MLLT10: variants seen among roughly 807,000 people sequenced by gnomAD.
MLLT10 encodes the protein MLLT10 histone lysine methyltransferase DOT1L cofactor.
A neutral mutation model predicts 129.1 loss-of-function variants in MLLT10; 30 were observed. The observed-to-expected ratio is 0.23, with a 90% confidence interval of 0.17 to 0.32. The LOEUF (loss-of-function observed/expected upper bound fraction) is 0.32, where lower values mean the gene tolerates loss of function less well. Among genes scored for constraint, MLLT10 ranks in the 10% least tolerant of loss-of-function variants. The pLI, the probability that MLLT10 is intolerant of heterozygous loss-of-function variation, is 1.00. For missense variants in MLLT10, 1,119 were observed against 1,268.3 expected (o/e 0.88, Z 1.79); for synonymous variants, 490 against 446.4 (o/e 1.10, Z -1.23).
rs2045052341 is a variant in MLLT10 at position 21,614,699 on chromosome 10, A to G, written c.510-132A>G. 4 of 653,918 alleles carry G rather than the reference A, an allele frequency of 6.1e-6. No individual in the cohort carries two copies. The South Asian group carries it at 1.1e-4, about 18-fold the overall frequency. The allele number at this position is 653,918 out of a possible 1,614,324, so 40.5% of individuals were successfully genotyped here. A position where few individuals can be genotyped will look rare whatever the true frequency, so the allele number is the denominator to read the frequency against. The stretch of plus-strand genomic sequence containing the variant: ...GGTCACAGCTAGAATAAAGCTTTTT[A>G]TTTTCTCATTTTTTTCTTAGGAGAT... On this transcript the variant is annotated intron_variant, in intron 6 of 22. Coordinates refer to ENST00000307729, the MANE Select transcript of MLLT10 (RefSeq NM_001195626.3).
At chr10:21,621,054 G>C (rs558829096) in intron 8 of MLLT10, among the ~76,000 whole-genome samples, 1 of 151,514 alleles carries the variant, frequency 6.6e-6, no homozygotes, top group Non-Finnish European at 1.5e-5. Context: ...GCGCAATCTC[G>C]GTTTACTGCA....
At position 21,592,212 on chromosome 10, in the gene MLLT10, C is replaced by T. The variant is rs1466787187; in HGVS notation, c.296-3119C>T. On this transcript the variant is annotated intron_variant, in intron 4 of 22. Coordinates refer to ENST00000307729, the MANE Select transcript of MLLT10 (RefSeq NM_001195626.3). ...TGAAGGCATTATTGTTTTGTATGTT[C>T]GTTACATATTAAATGTACCTACATG... Among the ~76,000 whole-genome samples the T allele has an allele frequency of 3.3e-5, 5 of 151,948 alleles. No homozygotes were observed. In the South Asian group the frequency reaches 6.2e-4, roughly 19 times the overall value.
intron 13 of MLLT10, among the ~76,000 whole-genome samples, chr10:21,706,674 A>C (rs2055540200): frequency 6.6e-6 from 1 of 152,218 alleles, no homozygotes; most frequent in African/African-American, 2.4e-5. Context: ...GAAAGTGGGA[A>C]ATAGGAACTC....
At chr10:21,557,195 G>A (rs1318311960) in intron 3 of MLLT10, 1 of 1,272,040 alleles carries the variant, frequency 7.9e-7, no homozygotes, top group Non-Finnish European at 9.9e-7. Context: ...AATGCCTACT[G>A]TGTTGTTATT....
At position 21,639,869 on chromosome 10, in the gene MLLT10, T is replaced by C. The variant is rs570135067; in HGVS notation, c.700-11804T>C. 2.0e-5 allele frequency among the ~76,000 whole-genome samples: 3 copies of C among 151,938 alleles called. No homozygotes were observed. The South Asian group carries it at 6.2e-4, about 32-fold the overall frequency. On this transcript the variant is annotated intron_variant, in intron 8 of 22. Transcript: ENST00000307729. ...CTCCATGATAGAAAAGTAGGGGAAG[T>C]TTAGAGCATATTTTTAGTTTTCATG...
upstream of MLLT10, chr10:21,534,125 G>A (rs924523129): frequency 2.8e-5 from 9 of 322,604 alleles, no homozygotes; most frequent in Non-Finnish European, 5.1e-5. Flanking sequence ...CGGGGGAGGG[G>A]GACGGGGCCC....
intron 14 of MLLT10, among the ~76,000 whole-genome samples, chr10:21,714,155 A>C (rs1359729980): frequency 1.3e-5 from 2 of 152,150 alleles, no homozygotes; most frequent in Admixed American, 1.3e-4. Flanking sequence ...GGCACCAACT[A>C]ATTCTTTTTA....
chr10:21,727,402 T>A (rs2057599141), intron 15 of MLLT10, among the ~76,000 whole-genome samples: 1 of 152,242 alleles, frequency 6.6e-6, no homozygotes, highest in Non-Finnish European at 1.5e-5. Flanking sequence ...ACCATAATTT[T>A]AGTCTTGGTG....
At chr10:21,738,506 C>T (rs1450515928) in intron 21 of MLLT10, 1 of 1,287,938 alleles carries the variant, frequency 7.8e-7, no homozygotes, top group Non-Finnish European at 1.0e-6. Flanking sequence ...TTTCCTTCAT[C>T]TGCCAATGTC....
intron 9 of MLLT10, among the ~76,000 whole-genome samples, chr10:21,657,682 T>G (rs2049749771): frequency 6.6e-6 from 1 of 152,178 alleles, no homozygotes; most frequent in African/African-American, 2.4e-5. Context: ...CAGCTTTTGT[T>G]TGTTTTAAGG....
intron 20 of MLLT10, 36 bp from the exon 21 acceptor site, chr10:21,735,103 G>T (rs1189300461): frequency 6.9e-7 from 1 of 1,456,754 alleles, no homozygotes; most frequent in Non-Finnish European, 9.6e-7. Context: ...CATTAGAGGT[G>T]TGTAGTAAAA....
intron 13 of MLLT10, among the ~76,000 whole-genome samples, chr10:21,713,567 A>G (rs2056297596): frequency 6.6e-6 from 1 of 152,242 alleles, no homozygotes; most frequent in South Asian, 2.1e-4. Context: ...TGCTAAATAA[A>G]AATGGTGTAG....
At chr10:21,697,930 T>C (rs2054527692) in intron 13 of MLLT10, among the ~76,000 whole-genome samples, 1 of 152,214 alleles carries the variant, frequency 6.6e-6, no homozygotes, top group Non-Finnish European at 1.5e-5. Flanking sequence ...ACATTTTCTT[T>C]TATCGCTACA....
At chr10:21,596,413 AC>A (rs2043022534) in intron 5 of MLLT10, among the ~76,000 whole-genome samples, 1 of 152,068 alleles carries the variant, frequency 6.6e-6, no homozygotes, top group Non-Finnish European at 1.5e-5. Context: ...TAATTAAGCA[AC>A]CCTTTGTGGT....
rs1439117919 is a variant in MLLT10, at chr10:21,534,430, A to T, written c.-91A>T. On this transcript the variant is annotated 5_prime_UTR_variant, in exon 1 of 23. Coordinates refer to ENST00000307729, the MANE Select transcript of MLLT10 (RefSeq NM_001195626.3). ...GACGCTGAGGAGGAGGAGGAGGCGGAGGAGGCGGTGGAGGGGAGGTGGGGG... is the reference window on the plus strand; with the variant it reads ...GACGCTGAGGAGGAGGAGGAGGCGGTGGAGGCGGTGGAGGGGAGGTGGGGG... 4 of 338,812 alleles carry T rather than the reference A, an allele frequency of 1.2e-5. No homozygotes were observed. In the East Asian group the frequency reaches 1.4e-4, roughly 12 times the overall value. 21.0% of individuals were successfully genotyped at this position (338,812 alleles called of 1,614,324 possible). A position where few individuals can be genotyped will look rare whatever the true frequency, so the allele number is the denominator to read the frequency against.
intron 3 of MLLT10, among the ~76,000 whole-genome samples, chr10:21,546,814 G>A (rs538417714): frequency 2.0e-5 from 3 of 151,592 alleles, no homozygotes; most frequent in East Asian, 3.9e-4. Flanking sequence ...CACAACTTCC[G>A]CTTCCCGGGT....
chr10:21,643,072 A>G (rs561995804), intron 8 of MLLT10, among the ~76,000 whole-genome samples: 2 of 152,086 alleles, frequency 1.3e-5, no homozygotes, highest in African/African-American at 4.8e-5. Flanking sequence ...TCACTCTGTC[A>G]CCCAGGCTGG....
In MLLT10 at chr10:21,699,750, A is replaced by G. The variant is rs932665650; in HGVS notation, c.1700-14022A>G. 1.3e-4 allele frequency among the ~76,000 whole-genome samples: 20 copies of G among 151,044 alleles called. 1 individual carries two copies. Among genetic ancestry groups the G allele is most frequent in the Non-Finnish European group, 1.5e-5 (1 of 67,870 alleles). ...CTGTTTCATTGGTATCTGTTTTTATACCAATACCATGCTTTTTTGATTACT... is the reference window on the plus strand; with the variant it reads ...CTGTTTCATTGGTATCTGTTTTTATGCCAATACCATGCTTTTTTGATTACT... On this transcript the variant is annotated intron_variant, in intron 13 of 22. Transcript: ENST00000307729.
chr10:21,704,663 G>T (rs2055325224), intron 13 of MLLT10, among the ~76,000 whole-genome samples: 1 of 132,606 alleles, frequency 7.5e-6, no homozygotes. Flanking sequence ...TGATATCTGT[G>T]CATCTGATGT....
Sources: allele counts gnomAD v4.1 joint callset (sites outside exome capture counted in the v4.1 genomes callset), GRCh38; gene constraint gnomAD v4.1.1; transcripts MANE v1.5; gene names NCBI Gene and HGNC (gene_info 2026-07-23, HGNC 2026-07-21).